TARBP1: variants seen among roughly 807,000 people sequenced by gnomAD.
TARBP1 encodes tRNA guanosine 2 -O-methyltransferase TARBP1.
A neutral mutation model predicts 178.6 loss-of-function variants in TARBP1; 144 were observed. The ratio of observed to expected loss-of-function variants is 0.81; its 90% CI spans 0.70 to 0.93. The LOEUF is 0.93. Ranked by LOEUF, TARBP1 falls within the 40% of genes least tolerant of loss-of-function variation. TARBP1 has a pLI of 0.00. For synonymous variants in TARBP1, 787 were observed against 781.0 expected, an observed-to-expected ratio of 1.01 and a Z score of -0.13; for missense variants, 2,067 against 2,011.7, an observed-to-expected ratio of 1.03 and a Z score of -0.53.
chr1:234,471,083 C>T (rs1285840233), intron 3 of TARBP1, 105 bp downstream of exon 3: 4 of 823,376 alleles, frequency 4.9e-6, no homozygotes, highest in East Asian at 5.5e-5. Flanking sequence ...TTCTTCTGTA[C>T]ACTTTTATAG....
chr1:234,465,559 C>T, intron 5 of TARBP1, 97 bp downstream of exon 5: 1 of 1,127,464 alleles, frequency 8.9e-7, no homozygotes, highest in Non-Finnish European at 1.2e-6. Flanking sequence ...GTCTATTCAG[C>T]AACATACTGT....
Position 234,478,771 on chromosome 1 carries a change from G to T in TARBP1, c.333C>A (p.Ala111=). The part of the protein sequence containing the change: ...GAALRSCVRL[A]GRPQLAAALA... Reference sequence around the variant, plus strand: ...GCGCGGCCGCCAGCTGCGGACGCCCGGCCAGGCGGACGCACGAGCGCAGGG... The same window carrying T: ...GCGCGGCCGCCAGCTGCGGACGCCCTGCCAGGCGGACGCACGAGCGCAGGG... Residue 111 remains alanine (A), a synonymous_variant, in exon 1 of 30, where the codon GCC becomes GCA. Coordinates refer to ENST00000040877, the MANE Select transcript of TARBP1 (RefSeq NM_005646.4). The T allele has an allele frequency of 8.8e-7, 1 of 1,141,968 alleles. No individual in the cohort carries two copies. Among genetic ancestry groups the T allele is most frequent in the South Asian group, 4.0e-5 (1 of 25,300 alleles). 70.7% of individuals were successfully genotyped at this position (1,141,968 alleles called of 1,614,324 possible). A position where few individuals can be genotyped will look rare whatever the true frequency, so the allele number is the denominator to read the frequency against.
At position 234,478,403 on chromosome 1, in the gene TARBP1, C is replaced by T. The variant is rs2103329883; in HGVS notation, c.701G>A (p.Ser234Asn). ...GRVEEKLLVL[S>N]ALAEKLLPEP... ...GGGCAACAGCTTCTCGGCCAGGGCGCTCAGGACCAGCAGCTTCTCCTCTAC... is the reference window on the plus strand; with the variant it reads ...GGGCAACAGCTTCTCGGCCAGGGCGTTCAGGACCAGCAGCTTCTCCTCTAC... Residue 234 changes from serine (S) to asparagine (N), a missense_variant, in exon 1 of 30, where the codon AGC becomes AAC. Transcript: ENST00000040877. The T allele has an allele frequency of 7.3e-7, 1 of 1,366,378 alleles. No individual in the cohort carries two copies. The highest frequency in any genetic ancestry group is 3.4e-5 in the East Asian group (1 of 29,182). The allele number at this position is 1,366,378 out of a possible 1,614,324, so 84.6% of individuals were successfully genotyped here.
At chr1:234,450,711 T>C in intron 9 of TARBP1, 145 bp from the exon 10 acceptor site, 1 of 921,998 alleles carries the variant, frequency 1.1e-6, no homozygotes, top group South Asian at 1.8e-5. Flanking sequence ...ACTATCATAC[T>C]TGAGTTCCAC....
intron 1 of TARBP1, among the ~76,000 whole-genome samples, chr1:234,476,326 C>A (rs976910544): frequency 2.0e-5 from 3 of 152,184 alleles, no homozygotes; most frequent in African/African-American, 7.2e-5. Flanking sequence ...ATGCACTGCA[C>A]TGACACAAGT....
At chr1:234,423,163 C>T (rs191289388) in intron 20 of TARBP1, among the ~76,000 whole-genome samples, 2 of 152,352 alleles carry the variant, frequency 1.3e-5, no homozygotes, top group East Asian at 3.9e-4. Flanking sequence ...TTTTCCAAAG[C>T]AGCTGCACTG....
chr1:234,470,620 C>CT (rs1160690637), intron 3 of TARBP1, among the ~76,000 whole-genome samples: 155 of 146,476 alleles, frequency 1.1e-3, no homozygotes, highest in South Asian at 1.7e-3. Context: ...AAATTGTGTT[C>CT]TTTTTTTTTT....
At chr1:234,461,559 A>C (rs1667861370) in intron 6 of TARBP1, among the ~76,000 whole-genome samples, 1 of 152,128 alleles carries the variant, frequency 6.6e-6, no homozygotes, top group African/African-American at 2.4e-5. Flanking sequence ...TGCCCACCTC[A>C]GCCTCCCAAA....
At chr1:234,445,163 G>A (rs1231187034) in intron 12 of TARBP1, among the ~76,000 whole-genome samples, 1 of 152,036 alleles carries the variant, frequency 6.6e-6, no homozygotes, top group Non-Finnish European at 1.5e-5. Flanking sequence ...CTCTGGTGTG[G>A]GATCCCACCC....
chr1:234,406,991 C>CA (rs1661309982), intron 23 of TARBP1: 1 of 152,260 alleles, frequency 6.6e-6, no homozygotes. Flanking sequence ...TGGCTGATAA[C>CA]ACACTTGTTA....
chr1:234,457,943 T>C (rs1667446585), intron 8 of TARBP1, among the ~76,000 whole-genome samples, 187 bp from the exon 9 acceptor site: 1 of 152,046 alleles, frequency 6.6e-6, no homozygotes, highest in Admixed American at 6.6e-5. Context: ...TATTCAACTT[T>C]TAACATAAAG....
intron 13 of TARBP1, among the ~76,000 whole-genome samples, chr1:234,435,783 G>A (rs756895372): frequency 2.4e-4 from 36 of 152,140 alleles, no homozygotes; most frequent in Non-Finnish European, 4.9e-4. Flanking sequence ...ACAGGCAGCG[G>A]CGTAGCAGCA....
intron 1 of TARBP1, among the ~76,000 whole-genome samples, chr1:234,474,722 C>T (rs1337395030): frequency 2.0e-5 from 3 of 152,176 alleles, no homozygotes; most frequent in African/African-American, 7.2e-5. Context: ...TCGAATTCTA[C>T]CCTCAGTCAA....
At chr1:234,423,779 T>TCTCA in intron 20 of TARBP1, among the ~76,000 whole-genome samples, 2 of 150,000 alleles carry the variant, frequency 1.3e-5, no homozygotes, top group South Asian at 4.2e-4. Context: ...AGAGACGTAG[T>TCTCA]CTCACTCACT....
chr1:234,456,522 A>G (rs1338242379), intron 9 of TARBP1, among the ~76,000 whole-genome samples: 2 of 152,268 alleles, frequency 1.3e-5, no homozygotes, highest in South Asian at 2.1e-4. Context: ...AACAAAGTCC[A>G]AGAAAAGGAA....
In TARBP1 at chr1:234,411,391, A is replaced by G. The variant is rs548470903; in HGVS notation, c.3706-860T>C. On this transcript the variant is annotated intron_variant, in intron 22 of 29. Transcript: ENST00000040877. ...GTAGGGGGCCTGGAATCAATCCCCCATGGATACCAAGGGTTGATTATCTGT... is the reference window on the plus strand; with the variant it reads ...GTAGGGGGCCTGGAATCAATCCCCCGTGGATACCAAGGGTTGATTATCTGT... Among the ~76,000 whole-genome samples, 29 of 152,316 alleles carry G rather than the reference A, an allele frequency of 1.9e-4. No homozygotes were observed. In the South Asian group the frequency reaches 6.0e-3, roughly 32 times the overall value.
chr1:234,446,474 C>A (rs182297331), intron 12 of TARBP1, among the ~76,000 whole-genome samples: 10 of 152,094 alleles, frequency 6.6e-5, no homozygotes, highest in African/African-American at 2.4e-4. Flanking sequence ...GTCTAGAAAT[C>A]AATAAGCATG....
At chr1:234,393,553 C>T (rs1659618313) in intron 27 of TARBP1, 67 bp from the exon 28 acceptor site, 1 of 1,572,612 alleles carries the variant, frequency 6.4e-7, no homozygotes, top group African/African-American at 1.4e-5. Context: ...ATGTCGCATA[C>T]ATTCCTTTGA....
intron 23 of TARBP1, among the ~76,000 whole-genome samples, chr1:234,409,683 G>C (rs1398232580): frequency 6.6e-6 from 1 of 152,138 alleles, no homozygotes; most frequent in Non-Finnish European, 1.5e-5. Context: ...AAACATCACT[G>C]TTTAAAAACT....
Sources: allele counts gnomAD v4.1 joint callset (sites outside exome capture counted in the v4.1 genomes callset), GRCh38; gene constraint gnomAD v4.1.1; transcripts MANE v1.5; gene names NCBI Gene and HGNC (gene_info 2026-07-23, HGNC 2026-07-21).